The following JADE3 variants were observed in gnomAD, a reference collection of about 807,000 sequenced individuals.
The protein encoded by JADE3 is protein Jade-3.
Under a neutral mutation model 50.1 loss-of-function variants are expected in JADE3, and 2 were observed. That is an observed-to-expected ratio of 0.04 (90% CI 0.02 to 0.13). JADE3 has a LOEUF of 0.13. JADE3 is among the 10% of genes least tolerant of loss of function. The probability of loss-of-function intolerance (pLI) is 1.00; values close to 1 mark genes in which losing one functional copy is unlikely to be tolerated. For synonymous variants in JADE3, 218 were observed against 232.9 expected (o/e 0.94, Z 0.58); for missense variants, 475 against 634.4 (o/e 0.75, Z 2.70).
chrX:46,939,234 T>G (rs1556341820), intron 1 of JADE3, among the ~76,000 whole-genome samples: 1 of 112,194 alleles, frequency 8.9e-6, no homozygotes, highest in Non-Finnish European at 1.9e-5. Context: ...TGTATTACTT[T>G]CAGCAGTTTG....
chrX:46,981,040 A>G lies in JADE3; in HGVS notation c.-11-3844A>G, dbSNP rs184697504. 6.1e-3 allele frequency among the ~76,000 whole-genome samples: 676 copies of G among 111,272 alleles called. 7 individuals carry two copies. The highest frequency in any genetic ancestry group is 0.021 in the African/African-American group (637 of 30,653). ...GGAAGAAGACAGCCAAGATCAAGGG[A>G]GTAAGAGTGTCCTCTAAAAGCTGTA... is the stretch of plus-strand genomic sequence containing the variant. On this transcript the variant is annotated intron_variant, in intron 1 of 10. Transcript: ENST00000614628.
intron 1 of JADE3, among the ~76,000 whole-genome samples, chrX:46,936,219 A>G (rs185536105): frequency 2.4e-4 from 26 of 110,516 alleles, no homozygotes; most frequent in African/African-American, 8.2e-4. Flanking sequence ...GGGTTTCGCC[A>G]TGTTGGCCAA....
chrX:47,019,833 G>A (rs1556363946), intron 4 of JADE3, among the ~76,000 whole-genome samples: 1 of 111,802 alleles, frequency 8.9e-6, no homozygotes, highest in Non-Finnish European at 1.9e-5. Context: ...AGAGGTAGTA[G>A]TGTTCCAGCC....
In JADE3 at chrX:46,978,206, G is replaced by A. The variant is rs1684846938; in HGVS notation, c.-11-6678G>A. On this transcript the variant is annotated intron_variant, in intron 1 of 10. Transcript: ENST00000614628. ...GCACTAACACCTAACGATAGCTGAT[G>A]AGCTTTAAAGAATCACAAAAAAAAT... 2.7e-5 allele frequency among the ~76,000 whole-genome samples: 3 copies of A among 111,654 alleles called. No homozygotes were observed. In the South Asian group the frequency reaches 1.1e-3, roughly 42 times the overall value.
chrX:46,917,858 CCTCTCT>C (rs150958785), intron 1 of JADE3, among the ~76,000 whole-genome samples: 3,229 of 22,757 alleles, frequency 0.14, 338 homozygotes, highest in African/African-American at 0.34. Flanking sequence ...TCTCTCTCAT[CCTCTCT>C]CTCTCTCTCT....
rs202220589 is a variant in JADE3, at chrX:46,920,476, A to G, written c.-12+7757A>G. Among the ~76,000 whole-genome samples, 616 of 112,831 alleles carry G rather than the reference A, an allele frequency of 5.5e-3. 2 individuals are homozygous for G. The highest frequency in any genetic ancestry group is 0.025 in the South Asian group (69 of 2,735). ...TCATTCACCTGTCGAAGGACGACTTAGTTGTTACCAGTTTTTTGGTGGTTT... is the reference window on the plus strand; with the variant it reads ...TCATTCACCTGTCGAAGGACGACTTGGTTGTTACCAGTTTTTTGGTGGTTT... On this transcript the variant is annotated intron_variant, in intron 1 of 10. Transcript: ENST00000614628.
chrX:46,917,822 A>ACTCTCTCTCATCCTCTCTCTCTCT (rs1926124367), intron 1 of JADE3, among the ~76,000 whole-genome samples: 1 of 22,271 alleles, frequency 4.5e-5, no homozygotes, highest in African/African-American at 1.7e-4. Context: ...TCTCTCTCTC[A>ACTCTCTCTCATCCTCTCTCTCTCT]CTCTCTCTCA....
chrX:46,992,394 C>T (rs1435013684), intron 3 of JADE3, among the ~76,000 whole-genome samples: 4 of 101,805 alleles, frequency 3.9e-5, no homozygotes, highest in African/African-American at 1.5e-4. Context: ...ACTACAGCCC[C>T]CAAGAACTTC....
chrX:46,979,819 T>C (rs1439622361), intron 1 of JADE3, among the ~76,000 whole-genome samples: 1 of 109,923 alleles, frequency 9.1e-6, no homozygotes, highest in African/African-American at 3.3e-5. Context: ...ATACTGAATG[T>C]CTTTTCACGG....
intron 1 of JADE3, among the ~76,000 whole-genome samples, chrX:46,960,381 C>T (rs1927233812): frequency 8.9e-6 from 1 of 111,807 alleles, no homozygotes; most frequent in Admixed American, 9.5e-5. Flanking sequence ...CTCATTGTGC[C>T]GGAATTGTTT....
intron 4 of JADE3, among the ~76,000 whole-genome samples, chrX:47,016,266 G>A (rs1488369548): frequency 9.0e-6 from 1 of 111,609 alleles, no homozygotes; most frequent in Non-Finnish European, 1.9e-5. Context: ...TGAACACCTC[G>A]CACTTCTCTG....
intron 3 of JADE3, among the ~76,000 whole-genome samples, chrX:46,991,125 C>T (rs1435674393): frequency 1.5e-4 from 13 of 88,097 alleles, no homozygotes; most frequent in Non-Finnish European, 2.8e-4. Flanking sequence ...ACTCTTGTTG[C>T]CCAGGCTGGA....
chrX:46,916,747 G>A (rs1271365508), intron 1 of JADE3, among the ~76,000 whole-genome samples: 1 of 111,844 alleles, frequency 8.9e-6, no homozygotes, highest in African/African-American at 3.3e-5. Context: ...GGTATAAGAG[G>A]TGAAAGATAC....
intron 4 of JADE3, among the ~76,000 whole-genome samples, chrX:47,016,086 T>C (rs1255347085): frequency 9.0e-6 from 1 of 110,614 alleles, no homozygotes; most frequent in Non-Finnish European, 1.9e-5. Flanking sequence ...AGTGGAGGGT[T>C]ATACAGTTGG....
chrX:46,920,289 T>C (rs1926193490), intron 1 of JADE3, among the ~76,000 whole-genome samples: 1 of 112,658 alleles, frequency 8.9e-6, no homozygotes, highest in African/African-American at 3.2e-5. Context: ...AATTTTTAAC[T>C]ATAATTCTGC....
At chrX:46,958,902 G>T (rs1407650086) in intron 1 of JADE3, among the ~76,000 whole-genome samples, 4 of 111,443 alleles carry the variant, frequency 3.6e-5, no homozygotes, top group Non-Finnish European at 7.5e-5. Flanking sequence ...CTACTTCCCA[G>T]CCAGGGCATC....
At chrX:47,053,124 C>G (rs974974312) in intron 8 of JADE3, among the ~76,000 whole-genome samples, 1 of 108,033 alleles carries the variant, frequency 9.3e-6, no homozygotes, top group Non-Finnish European at 1.9e-5. Flanking sequence ...CAGCTCAGTT[C>G]TATAACAACA....
intron 4 of JADE3, among the ~76,000 whole-genome samples, chrX:47,009,611 CCTTT>C (rs1928510918): frequency 9.2e-6 from 1 of 109,083 alleles, no homozygotes; most frequent in African/African-American, 3.3e-5. Context: ...CATTTGCATT[CCTTT>C]CTTTTTTTTT....
At chrX:47,042,189 G>A (rs1167505718) in intron 8 of JADE3, among the ~76,000 whole-genome samples, 11 of 110,272 alleles carry the variant, frequency 1.0e-4, no homozygotes, top group African/African-American at 3.6e-4. Context: ...ATAGGGTCTT[G>A]CTGTGTTGCC....
Sources: allele counts gnomAD v4.1 joint callset (sites outside exome capture counted in the v4.1 genomes callset), GRCh38; gene constraint gnomAD v4.1.1; transcripts MANE v1.5; gene names NCBI Gene and HGNC (gene_info 2026-07-23, HGNC 2026-07-21).